Variants in CACNA2D1 observed in about 807,000 individuals in gnomAD.
The protein encoded by CACNA2D1 is voltage-dependent calcium channel subunit alpha-2/delta-1.
A neutral mutation model predicts 171.5 loss-of-function variants in CACNA2D1; 53 were observed. The ratio of observed to expected loss-of-function variants is 0.31; its 90% CI spans 0.25 to 0.39. The LOEUF (loss-of-function observed/expected upper bound fraction) is 0.39. Among genes scored for constraint, CACNA2D1 ranks in the 10% least tolerant of loss-of-function variants. CACNA2D1 has a pLI of 1.00. For missense variants in CACNA2D1, 903 were observed against 1,299.8 expected, an observed-to-expected ratio of 0.69 and a Z score of 4.69; for synonymous variants, 442 against 443.1, an observed-to-expected ratio of 1.00 and a Z score of 0.03.
At chr7:82,089,680 A>G (rs2129016717) in intron 6 of CACNA2D1, among the ~76,000 whole-genome samples, 1 of 152,300 alleles carries the variant, frequency 6.6e-6, no homozygotes, top group South Asian at 2.1e-4. Flanking sequence ...TTGTAACAGC[A>G]CAAAAGAAAC....
At chr7:82,195,202 T>C (rs1036237959) in intron 3 of CACNA2D1, among the ~76,000 whole-genome samples, 2 of 151,988 alleles carry the variant, frequency 1.3e-5, no homozygotes, top group African/African-American at 4.8e-5. Flanking sequence ...CCCTAGATTA[T>C]AGAACAGTCT....
chr7:82,065,966 TAGG>T, intron 8 of CACNA2D1, among the ~76,000 whole-genome samples: 1 of 152,322 alleles, frequency 6.6e-6, no homozygotes, highest in East Asian at 1.9e-4. Flanking sequence ...AGTTTTATGT[TAGG>T]AGAACAAGTT....
rs115155528 is a variant in CACNA2D1 at position 82,140,205 on chromosome 7, C to T, written c.355-3529G>A. Among the ~76,000 whole-genome samples, 966 of 152,138 alleles carry T rather than the reference C, an allele frequency of 6.3e-3. 16 individuals carry two copies. Among genetic ancestry groups the T allele is most frequent in the African/African-American group, 0.022 (915 of 41,506 alleles). On this transcript the variant is annotated intron_variant, in intron 4 of 38. Transcript: ENST00000356860. Reference sequence around the variant, plus strand: ...TATAGAAAACAACAAAATGAGAAAGCACTTACTCAAATATGCATGCTTAGA... The same window carrying T: ...TATAGAAAACAACAAAATGAGAAAGTACTTACTCAAATATGCATGCTTAGA...
At chr7:81,998,015 T>C (rs554295684) in intron 18 of CACNA2D1, among the ~76,000 whole-genome samples, 3 of 152,096 alleles carry the variant, frequency 2.0e-5, no homozygotes, top group African/African-American at 7.2e-5. Flanking sequence ...TCTTATTTAT[T>C]CATATCATTA....
intron 3 of CACNA2D1, among the ~76,000 whole-genome samples, chr7:82,289,713 G>C (rs1214852597): frequency 6.6e-6 from 1 of 152,158 alleles, no homozygotes; most frequent in Non-Finnish European, 1.5e-5. Flanking sequence ...ACTCATCTTT[G>C]AGAAAACTCT....
At chr7:82,302,494 G>A (rs373146162) in intron 3 of CACNA2D1, among the ~76,000 whole-genome samples, 3 of 150,104 alleles carry the variant, frequency 2.0e-5, no homozygotes, top group Non-Finnish European at 4.4e-5. Context: ...CATGGCTGGC[G>A]ACCTCTGCCT....
intron 3 of CACNA2D1, among the ~76,000 whole-genome samples, chr7:82,254,500 C>A (rs926677617): frequency 6.6e-6 from 1 of 151,984 alleles, no homozygotes; most frequent in African/African-American, 2.4e-5. Context: ...TTAATTAATA[C>A]ATCCATCATC....
intron 10 of CACNA2D1, chr7:82,050,668 C>T: frequency 1.4e-6 from 1 of 701,874 alleles, no homozygotes; most frequent in Non-Finnish European, 2.6e-6. Context: ...GCTGTTAATG[C>T]TTAGACTTAA....
chr7:82,421,811 C>T (rs1828740849), intron 1 of CACNA2D1, among the ~76,000 whole-genome samples: 1 of 152,166 alleles, frequency 6.6e-6, no homozygotes, highest in Non-Finnish European at 1.5e-5. Context: ...TAAAGAGAAA[C>T]ACACAGAATC....
intron 7 of CACNA2D1, among the ~76,000 whole-genome samples, chr7:82,075,166 A>T (rs1808809082): frequency 6.6e-6 from 1 of 152,020 alleles, no homozygotes; most frequent in South Asian, 2.1e-4. Flanking sequence ...AACAATAGGC[A>T]GAAACCCATA....
At chr7:82,357,246 A>G (rs762808574) in intron 1 of CACNA2D1, among the ~76,000 whole-genome samples, 10 of 151,734 alleles carry the variant, frequency 6.6e-5, no homozygotes, top group Non-Finnish European at 1.3e-4. Flanking sequence ...AGTTCAGTAA[A>G]CTCTTTATTT....
intron 15 of CACNA2D1, among the ~76,000 whole-genome samples, chr7:82,008,896 A>G (rs926057343): frequency 1.3e-5 from 2 of 152,246 alleles, no homozygotes; most frequent in African/African-American, 4.8e-5. Context: ...AGGAGAGACA[A>G]TAATAGAGAA....
chr7:82,375,308 T>C (rs1489852965), intron 1 of CACNA2D1, among the ~76,000 whole-genome samples: 1 of 152,160 alleles, frequency 6.6e-6, no homozygotes. Context: ...GCTGCTTGCA[T>C]TTCAGGTTCT....
At chr7:82,213,905 C>G (rs1800828939) in intron 3 of CACNA2D1, among the ~76,000 whole-genome samples, 1 of 152,108 alleles carries the variant, frequency 6.6e-6, no homozygotes, top group South Asian at 2.1e-4. Flanking sequence ...AGCTTTTAAG[C>G]AACAGAAATG....
intron 1 of CACNA2D1, among the ~76,000 whole-genome samples, chr7:82,399,243 C>T (rs1000184999): frequency 2.6e-5 from 4 of 152,050 alleles, no homozygotes; most frequent in Non-Finnish European, 5.9e-5. Flanking sequence ...AGCTCAAGAC[C>T]AGCCTGGTCC....
At chr7:81,982,744 C>A (rs776381339) in intron 23 of CACNA2D1, 117 bp from the exon 24 acceptor site, 3 of 761,832 alleles carry the variant, frequency 3.9e-6, no homozygotes, top group Non-Finnish European at 7.2e-6. Context: ...AAATAGAGTA[C>A]TTACATCCTA....
intron 15 of CACNA2D1, 33 bp downstream of exon 15, chr7:82,012,121 G>T: frequency 2.5e-6 from 3 of 1,178,826 alleles, no homozygotes; most frequent in African/African-American, 1.5e-5. Flanking sequence ...CTTTTGTTAT[G>T]ACAGTCTTTG....
chr7:82,370,548 G>C (rs1015508465), intron 1 of CACNA2D1, among the ~76,000 whole-genome samples: 1 of 73,024 alleles, frequency 1.4e-5, no homozygotes, highest in African/African-American at 3.8e-5. Context: ...GGTAAATGGA[G>C]GGATGGATGG....
chr7:82,338,334 TA>T lies in CACNA2D1; in HGVS notation c.178-3084del, dbSNP rs928343438. 6.8e-4 allele frequency among the ~76,000 whole-genome samples: 101 copies of T among 149,520 alleles called. 1 individual carries two copies. The East Asian group carries it at 8.4e-3, about 12-fold the overall frequency. On this transcript the variant is annotated intron_variant, in intron 2 of 38. Transcript: ENST00000356860. The stretch of plus-strand genomic sequence containing the variant: ...GTAAAAATTTTTTAAATTTTTTATT[TA>T]AAAAAAAAAGTTTTTTAGAGACAGA...
Sources: allele counts gnomAD v4.1 joint callset (sites outside exome capture counted in the v4.1 genomes callset), GRCh38; gene constraint gnomAD v4.1.1; transcripts MANE v1.5; gene names NCBI Gene and HGNC (gene_info 2026-07-23, HGNC 2026-07-21).